The following CFAP221 variants were observed in gnomAD, a reference collection of about 807,000 sequenced individuals.
CFAP221 encodes cilia and flagella associated protein 221.
A neutral mutation model predicts 113.1 loss-of-function variants in CFAP221; 97 were observed. The observed-to-expected ratio is 0.86, with a 90% CI of 0.73 to 1.02. The LOEUF is 1.02. Among genes scored for constraint, CFAP221 ranks in the 50% least tolerant of loss-of-function variants. The pLI is 0.00. For missense variants in CFAP221, 1,025 were observed against 1,013.4 expected, an observed-to-expected ratio of 1.01 and a Z score of -0.16; for synonymous variants, 331 against 354.4, an observed-to-expected ratio of 0.93 and a Z score of 0.74.
intron 14 of CFAP221, among the ~76,000 whole-genome samples, chr2:119,620,757 G>A (rs1685852278): frequency 6.6e-6 from 1 of 152,130 alleles, no homozygotes; most frequent in African/African-American, 2.4e-5. Flanking sequence ...AATCTTAAAT[G>A]TAAACAGGTT....
chr2:119,602,643 A>G (rs1024901642), intron 8 of CFAP221: 3 of 985,374 alleles, frequency 3.0e-6, no homozygotes, highest in Non-Finnish European at 3.6e-6. Context: ...GTAGGATATT[A>G]GTGTGGCCTG....
In CFAP221 at chr2:119,569,320, G is replaced by A. The variant is rs538171213; in HGVS notation, c.527+7206G>A. Among the ~76,000 whole-genome samples, 139 of 151,838 alleles carry A rather than the reference G, an allele frequency of 9.2e-4. 2 individuals are homozygous for A. Among genetic ancestry groups the A allele is most frequent in the African/African-American group, 3.1e-3 (128 of 41,438 alleles). Reference sequence around the variant, plus strand: ...TTTTTAGTAGAGATGGGGTTTCACCGTGTTAGCCAGGATGGCCTTGATCTC... The same window carrying A: ...TTTTTAGTAGAGATGGGGTTTCACCATGTTAGCCAGGATGGCCTTGATCTC... On this transcript the variant is annotated intron_variant, in intron 6 of 23. Coordinates refer to ENST00000413369, the MANE Select transcript of CFAP221 (RefSeq NM_001271049.2).
chr2:119,653,753 A>G (rs1207286103), intron 23 of CFAP221, among the ~76,000 whole-genome samples: 1 of 152,216 alleles, frequency 6.6e-6, no homozygotes, highest in Non-Finnish European at 1.5e-5. Flanking sequence ...CATCTCTCCT[A>G]CTGGTAGAGG....
intron 15 of CFAP221, among the ~76,000 whole-genome samples, chr2:119,626,040 T>TCC (rs1686287035): frequency 6.6e-6 from 1 of 152,070 alleles, no homozygotes; most frequent in African/African-American, 2.4e-5. Context: ...AGGGCTGCGC[T>TCC]CCCCCCAGGG....
chr2:119,635,786 T>TG (rs1221705226), intron 19 of CFAP221, among the ~76,000 whole-genome samples: 1 of 152,168 alleles, frequency 6.6e-6, no homozygotes, highest in African/African-American at 2.4e-5. Flanking sequence ...AGTGAAGTCT[T>TG]GGGCTGATCT....
chr2:119,561,172 C>G (rs547881349), intron 5 of CFAP221, among the ~76,000 whole-genome samples: 1 of 152,050 alleles, frequency 6.6e-6, no homozygotes, highest in Non-Finnish European at 1.5e-5. Flanking sequence ...CACCTGTAGT[C>G]CCAGCTACTC....
intron 23 of CFAP221, among the ~76,000 whole-genome samples, chr2:119,654,342 A>G (rs985841998): frequency 2.0e-5 from 3 of 152,208 alleles, no homozygotes; most frequent in South Asian, 2.1e-4. Flanking sequence ...ACCTCAACAC[A>G]TAGATGCACT....
intron 22 of CFAP221, among the ~76,000 whole-genome samples, chr2:119,649,116 A>G (rs1161469966): frequency 1.3e-5 from 2 of 152,202 alleles, no homozygotes; most frequent in Non-Finnish European, 2.9e-5. Flanking sequence ...GTGCCTATAC[A>G]TGGTCTTTGC....
chr2:119,560,733 A>C (rs889891859), intron 5 of CFAP221, among the ~76,000 whole-genome samples: 1 of 152,118 alleles, frequency 6.6e-6, no homozygotes. Context: ...TTTTCAGGCA[A>C]ATTTCCTACA....
chr2:119,551,533 G>T (rs1368534845), intron 3 of CFAP221, among the ~76,000 whole-genome samples: 2 of 152,084 alleles, frequency 1.3e-5, no homozygotes, highest in African/African-American at 2.4e-5. Flanking sequence ...CCATTGAATG[G>T]TCTTGGCCCT....
chr2:119,592,633 C>G, intron 7 of CFAP221, among the ~76,000 whole-genome samples: 1 of 152,206 alleles, frequency 6.6e-6, no homozygotes, highest in East Asian at 1.9e-4. Context: ...TTCTGGCTGT[C>G]TGGATGCTGT....
chr2:119,567,090 G>A (rs1681702227), intron 6 of CFAP221, among the ~76,000 whole-genome samples: 1 of 152,064 alleles, frequency 6.6e-6, no homozygotes, highest in Non-Finnish European at 1.5e-5. Context: ...CCCCACCCAA[G>A]TGCCGTATTT....
intron 21 of CFAP221, 27 bp downstream of exon 21, chr2:119,639,899 C>G: frequency 6.3e-7 from 1 of 1,582,110 alleles, no homozygotes; most frequent in African/African-American, 1.3e-5. Context: ...TGTTTGCTCA[C>G]GAGTATGTGT....
At chr2:119,619,494 G>T (rs527728472) in intron 14 of CFAP221, among the ~76,000 whole-genome samples, 4 of 152,150 alleles carry the variant, frequency 2.6e-5, no homozygotes, top group Non-Finnish European at 5.9e-5. Flanking sequence ...GCAGCAGAGG[G>T]GCCTGACTGT....
At chr2:119,588,211 T>C (rs1353252119) in intron 7 of CFAP221, among the ~76,000 whole-genome samples, 2 of 152,194 alleles carry the variant, frequency 1.3e-5, no homozygotes, top group Non-Finnish European at 2.9e-5. Flanking sequence ...ATAATTCTAT[T>C]AAGTTCCATG....
intron 21 of CFAP221, among the ~76,000 whole-genome samples, chr2:119,640,326 G>GT (rs1218824507): frequency 6.6e-6 from 1 of 152,022 alleles, no homozygotes; most frequent in African/African-American, 2.4e-5. Flanking sequence ...GGCATTCACT[G>GT]TGAGACCATG....
At chr2:119,561,934 A>G in intron 5 of CFAP221, 80 bp from the exon 6 acceptor site, 1 of 907,564 alleles carries the variant, frequency 1.1e-6, no homozygotes, top group Non-Finnish European at 1.7e-6. Flanking sequence ...GAAACAAGAT[A>G]AGAAATAAAG....
At chr2:119,613,766 G>A (rs561749304) in intron 13 of CFAP221, among the ~76,000 whole-genome samples, 1 of 152,352 alleles carries the variant, frequency 6.6e-6, no homozygotes, top group South Asian at 2.1e-4. Context: ...CATTGTCTTA[G>A]TGATTAACAT....
At chr2:119,658,598 A>T (rs1167172473), downstream of CFAP221, among the ~76,000 whole-genome samples, 1 of 151,870 alleles carries the variant, frequency 6.6e-6, no homozygotes, top group Non-Finnish European at 1.5e-5. Flanking sequence ...ACAAGTATTT[A>T]TACTGAGCCC....
Sources: gnomAD v4.1 joint callset for allele counts (sites outside exome capture counted in the v4.1 genomes callset) on GRCh38, gnomAD v4.1.1 for gene constraint, MANE v1.5 for transcripts, NCBI Gene and HGNC (gene_info 2026-07-23, HGNC 2026-07-21) for gene names.